The following CLIC4 variants were observed in gnomAD, a reference collection of about 807,000 sequenced individuals.
CLIC4 encodes the protein chloride intracellular channel protein 4.
Under a neutral mutation model 24.6 loss-of-function variants are expected in CLIC4, and 13 were observed. The ratio of observed to expected loss-of-function variants is 0.53; its 90% confidence interval spans 0.34 to 0.84. The LOEUF is 0.84. CLIC4 is among the 40% of genes least tolerant of loss of function. The pLI is 0.01. For synonymous variants in CLIC4, 104 were observed against 111.3 expected, an observed-to-expected ratio of 0.93 and a Z score of 0.41; for missense variants, 227 against 301.7, an observed-to-expected ratio of 0.75 and a Z score of 1.83.
intron 2 of CLIC4, among the ~76,000 whole-genome samples, chr1:24,813,087 A>G (rs1639631933): frequency 7.1e-6 from 1 of 141,194 alleles, no homozygotes; most frequent in African/African-American, 2.6e-5. Context: ...TCTGTCGCCC[A>G]GGCTGGAGTG....
At chr1:24,773,189 C>T (rs1374514609) in intron 1 of CLIC4, among the ~76,000 whole-genome samples, 1 of 152,144 alleles carries the variant, frequency 6.6e-6, no homozygotes, top group Admixed American at 6.6e-5. Context: ...AAAAAACTTT[C>T]TGCAGAATTT....
intron 3 of CLIC4, among the ~76,000 whole-genome samples, chr1:24,817,139 T>C (rs540737784): frequency 1.3e-5 from 2 of 152,294 alleles, no homozygotes; most frequent in African/African-American, 4.8e-5. Flanking sequence ...AAAATCTGTT[T>C]AGTGTAGCCA....
chr1:24,749,261 A>T (rs1049015065), intron 1 of CLIC4, among the ~76,000 whole-genome samples: 4 of 151,974 alleles, frequency 2.6e-5, no homozygotes, highest in African/African-American at 9.7e-5. Flanking sequence ...GAGGGTGCAG[A>T]GGCTGTGGTT....
chr1:24,776,185 C>G (rs1212495884), intron 1 of CLIC4, among the ~76,000 whole-genome samples: 1 of 152,126 alleles, frequency 6.6e-6, no homozygotes, highest in African/African-American at 2.4e-5. Context: ...CTCTCTCTCT[C>G]TTTTTAATGG....
intron 3 of CLIC4, 22 bp from the exon 4 acceptor site, chr1:24,826,988 C>G (rs769731551): frequency 6.7e-7 from 1 of 1,498,894 alleles, no homozygotes; most frequent in East Asian, 2.3e-5. Context: ...GATCTATAAT[C>G]CATATCACTT....
At chr1:24,840,655 A>G in intron 5 of CLIC4, 118 bp from the exon 6 acceptor site, 1 of 822,854 alleles carries the variant, frequency 1.2e-6, no homozygotes, top group Non-Finnish European at 1.9e-6. Flanking sequence ...ACTTTTTTTC[A>G]TATAGAAGCA....
intron 3 of CLIC4, among the ~76,000 whole-genome samples, chr1:24,820,116 C>T (rs1180322234): frequency 4.2e-5 from 5 of 118,562 alleles, no homozygotes; most frequent in Non-Finnish European, 7.2e-5. Context: ...CTTGTACTGT[C>T]GCCCAGGCTG....
At chr1:24,806,407 A>G (rs1639550776) in intron 2 of CLIC4, among the ~76,000 whole-genome samples, 2 of 152,332 alleles carry the variant, frequency 1.3e-5, no homozygotes, top group Middle Eastern at 3.4e-3. Flanking sequence ...GTTTGAAGGC[A>G]CTAAAGTTTC....
intron 2 of CLIC4, among the ~76,000 whole-genome samples, chr1:24,801,259 A>C (rs2124137951): frequency 6.6e-6 from 1 of 152,326 alleles, no homozygotes; most frequent in South Asian, 2.1e-4. Context: ...GGTTTAATTG[A>C]CTGGCAGTTC....
chr1:24,840,641 A>G (rs1639932548), intron 5 of CLIC4, 132 bp from the exon 6 acceptor site: 1 of 707,620 alleles, frequency 1.4e-6, no homozygotes, highest in East Asian at 2.8e-5. Flanking sequence ...AATGATGGTG[A>G]TGGACTTTTT....
chr1:24,830,303 A>G (rs890683545), intron 4 of CLIC4, among the ~76,000 whole-genome samples: 5 of 152,158 alleles, frequency 3.3e-5, no homozygotes, highest in Non-Finnish European at 7.4e-5. Context: ...ATGTGCATAC[A>G]TTATGCAGTT....
intron 3 of CLIC4, among the ~76,000 whole-genome samples, chr1:24,816,349 C>T (rs1639668942): frequency 6.8e-6 from 1 of 147,216 alleles, no homozygotes; most frequent in African/African-American, 2.5e-5. Flanking sequence ...AAGCAATTCT[C>T]CTGCTTCAGC....
intron 1 of CLIC4, among the ~76,000 whole-genome samples, chr1:24,776,996 C>T (rs533029330): frequency 8.5e-5 from 13 of 152,280 alleles, no homozygotes; most frequent in Non-Finnish European, 1.8e-4. Context: ...ACAATGGCCT[C>T]GGGAGCCGTT....
At chr1:24,745,696 C>G in intron 1 of CLIC4, 71 bp downstream of exon 1, 1 of 1,348,462 alleles carries the variant, frequency 7.4e-7, no homozygotes, top group African/African-American at 1.5e-5. Flanking sequence ...AGCGGCGTCC[C>G]GGGGCTCTCC....
intron 1 of CLIC4, among the ~76,000 whole-genome samples, chr1:24,771,289 T>A (rs1263628033): frequency 6.6e-6 from 1 of 152,210 alleles, no homozygotes; most frequent in Non-Finnish European, 1.5e-5. Context: ...AATCCTTCTC[T>A]GACCATGTTG....
At chr1:24,777,538 A>T (rs1356471112) in intron 1 of CLIC4, among the ~76,000 whole-genome samples, 1 of 152,150 alleles carries the variant, frequency 6.6e-6, no homozygotes, top group African/African-American at 2.4e-5. Flanking sequence ...AGCAAAAAAA[A>T]AGAACAAATA....
chr1:24,795,914 C>G (rs1261309848), intron 1 of CLIC4, among the ~76,000 whole-genome samples: 1 of 152,138 alleles, frequency 6.6e-6, no homozygotes, highest in African/African-American at 2.4e-5. Flanking sequence ...GCGGGTACAC[C>G]TACAAGTTTC....
intron 1 of CLIC4, among the ~76,000 whole-genome samples, chr1:24,791,665 C>T (rs1432462201): frequency 1.3e-5 from 2 of 152,176 alleles, no homozygotes; most frequent in East Asian, 3.9e-4. Context: ...CACCTGAGGT[C>T]AGGAGTTCGA....
chr1:24,786,962 C>G (rs575025564), intron 1 of CLIC4, among the ~76,000 whole-genome samples: 1 of 152,046 alleles, frequency 6.6e-6, no homozygotes, highest in East Asian at 1.9e-4. Context: ...ACTCTGTCAC[C>G]CAGGCTAGAG....
Sources: allele counts gnomAD v4.1 joint callset (sites outside exome capture counted in the v4.1 genomes callset), GRCh38; gene constraint gnomAD v4.1.1; transcripts MANE v1.5; gene names NCBI Gene and HGNC (gene_info 2026-07-23, HGNC 2026-07-21).